Variants in OPCML observed in about 807,000 individuals in gnomAD.
OPCML encodes the protein opioid-binding protein/cell adhesion molecule.
A neutral mutation model predicts 37.8 loss-of-function variants in OPCML; 13 were observed. That is an observed-to-expected ratio of 0.34 (90% confidence interval 0.22 to 0.55). The LOEUF (loss-of-function observed/expected upper bound fraction) is 0.55, where lower values mean the gene tolerates loss of function less well. Ranked by LOEUF, OPCML falls within the 20% of genes least tolerant of loss-of-function variation. The probability of loss-of-function intolerance (pLI) is 0.91; values close to 1 mark genes in which losing one functional copy is unlikely to be tolerated. For missense variants in OPCML, 341 were observed against 435.6 expected (o/e 0.78, Z 1.93); for synonymous variants, 176 against 168.8 (o/e 1.04, Z -0.33).
At chr11:132,703,812 G>A (rs1188076522) in intron 2 of OPCML, among the ~76,000 whole-genome samples, 1 of 152,146 alleles carries the variant, frequency 6.6e-6, no homozygotes, top group Non-Finnish European at 1.5e-5. Context: ...GGGTCTTCAG[G>A]GGCTGTCCTG....
chr11:132,807,870 C>G (rs894969598), intron 2 of OPCML, among the ~76,000 whole-genome samples: 5 of 152,204 alleles, frequency 3.3e-5, no homozygotes, highest in African/African-American at 1.2e-4. Flanking sequence ...CAAGCAAACT[C>G]TAGCCTGAAG....
chr11:132,506,485 T>C (rs1375140551), intron 4 of OPCML, among the ~76,000 whole-genome samples: 1 of 152,170 alleles, frequency 6.6e-6, no homozygotes, highest in African/African-American at 2.4e-5. Flanking sequence ...TTGTTATAAA[T>C]CTGATAATTA....
chr11:133,042,719 G>T (rs1001537952), intron 1 of OPCML, among the ~76,000 whole-genome samples: 17 of 152,124 alleles, frequency 1.1e-4, no homozygotes, highest in Non-Finnish European at 1.9e-4. Flanking sequence ...GTAGACGCTG[G>T]CTGGTTTCCA....
At chr11:132,497,431 G>T in intron 4 of OPCML, among the ~76,000 whole-genome samples, 1 of 143,024 alleles carries the variant, frequency 7.0e-6, no homozygotes, top group Non-Finnish European at 1.5e-5. Flanking sequence ...AAAAAAAAAA[G>T]AAAAATGCTA....
chr11:132,648,449 G>A (rs537714809), intron 3 of OPCML, among the ~76,000 whole-genome samples: 21 of 151,712 alleles, frequency 1.4e-4, no homozygotes, highest in African/African-American at 4.8e-4. Flanking sequence ...CAGGCATTAC[G>A]ACTGTTCCGT....
chr11:132,768,506 A>G (rs946826358), intron 2 of OPCML, among the ~76,000 whole-genome samples: 1 of 151,928 alleles, frequency 6.6e-6, no homozygotes, highest in Non-Finnish European at 1.5e-5. Flanking sequence ...AAAATAATAC[A>G]TCTACATATA....
At chr11:132,536,995 T>C (rs2096342494) in intron 3 of OPCML, among the ~76,000 whole-genome samples, 1 of 152,302 alleles carries the variant, frequency 6.6e-6, no homozygotes, top group East Asian at 1.9e-4. Context: ...AGGCATTGGA[T>C]TGTAAATCCC....
intron 1 of OPCML, among the ~76,000 whole-genome samples, chr11:132,963,621 G>A (rs918090747): frequency 4.0e-5 from 6 of 151,132 alleles, no homozygotes; most frequent in South Asian, 2.1e-4. Context: ...TGGCTCTTGC[G>A]GTGAGAATGT....
At chr11:133,422,076 T>C (rs1945898987) in intron 1 of OPCML, 3 of 933,916 alleles carry the variant, frequency 3.2e-6, no homozygotes, top group South Asian at 4.9e-5. Flanking sequence ...CATCCACCCG[T>C]CATCTACATT....
chr11:133,395,926 G>A (rs75030305), intron 1 of OPCML, among the ~76,000 whole-genome samples: 3,936 of 152,154 alleles, frequency 0.026, 171 homozygotes, highest in African/African-American at 0.087. Flanking sequence ...GGAGAACGTC[G>A]TTGGTATGTT....
In OPCML at chr11:133,207,028, C is replaced by T. The variant is rs377278663; in HGVS notation, c.62-264018G>A. On this transcript the variant is annotated intron_variant, in intron 1 of 7. Transcript: ENST00000524381. Reference sequence around the variant, plus strand: ...AAGAGCCGGGCGCGGTGGCTCACGCCTGTAATCCCAGCACTTTGGGAGGCC... The same window carrying T: ...AAGAGCCGGGCGCGGTGGCTCACGCTTGTAATCCCAGCACTTTGGGAGGCC... Among the ~76,000 whole-genome samples the T allele has an allele frequency of 5.1e-4, 78 of 151,602 alleles. 1 individual carries two copies. In the South Asian group the frequency reaches 0.016, roughly 31 times the overall value.
At chr11:133,477,213 G>C (rs938559265) in intron 1 of OPCML, among the ~76,000 whole-genome samples, 2 of 152,196 alleles carry the variant, frequency 1.3e-5, no homozygotes, top group African/African-American at 4.8e-5. Flanking sequence ...CACACGAAGA[G>C]TAGCCATCGC....
rs114016290 is a variant in OPCML, at chr11:133,091,874, G to A, written c.62-148864C>T. 2.1e-3 allele frequency among the ~76,000 whole-genome samples: 312 copies of A among 152,142 alleles called. 6 individuals carry two copies. Among genetic ancestry groups the A allele is most frequent in the African/African-American group, 6.9e-3 (287 of 41,518 alleles). ...GATGCTGAAATGCATTAAGACTTTT[G>A]GGGCTATTGAGATGGAATGAATATA... On this transcript the variant is annotated intron_variant, in intron 1 of 7. Coordinates refer to ENST00000524381, the MANE Select transcript of OPCML (RefSeq NM_001012393.5).
chr11:133,400,845 T>A (rs1321712856), intron 1 of OPCML, among the ~76,000 whole-genome samples: 1 of 152,130 alleles, frequency 6.6e-6, no homozygotes, highest in South Asian at 2.1e-4. Context: ...AGTAGGTTCC[T>A]GAGAAAGCTG....
chr11:132,830,772 C>T (rs755805324), intron 2 of OPCML, among the ~76,000 whole-genome samples: 1 of 152,146 alleles, frequency 6.6e-6, no homozygotes, highest in African/African-American at 2.4e-5. Flanking sequence ...ATGTGTCATA[C>T]CTTTCTAAGG....
At chr11:132,576,293 C>T (rs1156380072) in intron 3 of OPCML, among the ~76,000 whole-genome samples, 1 of 151,644 alleles carries the variant, frequency 6.6e-6, no homozygotes, top group African/African-American at 2.4e-5. Context: ...GCATATAAGT[C>T]CTTTAAGTTT....
At chr11:132,834,247 C>A (rs1057326112) in intron 2 of OPCML, among the ~76,000 whole-genome samples, 1 of 152,132 alleles carries the variant, frequency 6.6e-6, no homozygotes, top group African/African-American at 2.4e-5. Context: ...CAACTTTAAC[C>A]TTTTTGTTCC....
intron 7 of OPCML, among the ~76,000 whole-genome samples, chr11:132,433,798 G>A (rs1038799908): frequency 1.3e-4 from 20 of 152,174 alleles, no homozygotes; most frequent in African/African-American, 4.8e-4. Flanking sequence ...ACCATGTGAG[G>A]ACATAGCAGC....
At chr11:133,415,191 C>T (rs1406120330) in intron 1 of OPCML, among the ~76,000 whole-genome samples, 1 of 152,150 alleles carries the variant, frequency 6.6e-6, no homozygotes, top group Admixed American at 6.5e-5. Context: ...GGGCGGATCA[C>T]GAGGTCAGGA....
Sources: allele counts gnomAD v4.1 joint callset (sites outside exome capture counted in the v4.1 genomes callset), GRCh38; gene constraint gnomAD v4.1.1; transcripts MANE v1.5; gene names NCBI Gene and HGNC (gene_info 2026-07-23, HGNC 2026-07-21).